PTPRD: variants seen among roughly 807,000 people sequenced by gnomAD.
The protein encoded by PTPRD is receptor-type tyrosine-protein phosphatase delta.
In PTPRD, 34 loss-of-function variants were observed where a neutral mutation model predicts 214.5. The ratio of observed to expected loss-of-function variants is 0.16; its 90% CI spans 0.12 to 0.21. PTPRD has a LOEUF of 0.21. PTPRD is among the 10% of genes least tolerant of loss of function. PTPRD has a pLI of 1.00. For missense variants in PTPRD, 2,545 were observed against 2,398.7 expected (o/e 1.06, Z -1.27); for synonymous variants, 1,128 against 845.7 (o/e 1.33, Z -5.79).
intron 9 of PTPRD, among the ~76,000 whole-genome samples, chr9:9,370,399 T>C (rs1227412474): frequency 6.6e-6 from 1 of 151,960 alleles, no homozygotes; most frequent in Non-Finnish European, 1.5e-5. Context: ...CACTCATGAT[T>C]TGGCTCTCTA....
At chr9:10,036,081 T>C (rs967479754) in intron 3 of PTPRD, among the ~76,000 whole-genome samples, 2 of 152,142 alleles carry the variant, frequency 1.3e-5, no homozygotes, top group South Asian at 4.1e-4. Context: ...TATCTGGCAG[T>C]ATACCCACTG....
intron 11 of PTPRD, among the ~76,000 whole-genome samples, chr9:8,949,514 T>TC (rs2099090398): frequency 8.3e-5 from 1 of 11,978 alleles, no homozygotes; most frequent in African/African-American, 9.1e-5. Flanking sequence ...ATAACGCCTT[T>TC]GAAAGGTCCC....
intron 12 of PTPRD, among the ~76,000 whole-genome samples, chr9:8,644,522 GAGA>G (rs555323654): frequency 7.4e-4 from 112 of 152,310 alleles, no homozygotes; most frequent in African/African-American, 2.6e-3. Flanking sequence ...TGCAGATGAA[GAGA>G]AGGAGAGAAG....
At chr9:9,103,929 G>T (rs1025351244) in intron 10 of PTPRD, among the ~76,000 whole-genome samples, 3 of 152,132 alleles carry the variant, frequency 2.0e-5, no homozygotes, top group African/African-American at 4.8e-5. Context: ...GTTGCAGCGA[G>T]CCAAGATGTT....
intron 4 of PTPRD, among the ~76,000 whole-genome samples, chr9:10,009,680 A>G (rs140720195): frequency 1.4e-4 from 18 of 131,560 alleles, no homozygotes; most frequent in African/African-American, 4.5e-4. Context: ...GATCAGAAAA[A>G]GATCTGGAAA....
At chr9:9,138,091 T>A (rs1173977727) in intron 10 of PTPRD, among the ~76,000 whole-genome samples, 5 of 152,110 alleles carry the variant, frequency 3.3e-5, no homozygotes, top group African/African-American at 4.8e-5. Context: ...ATTTCTCCTA[T>A]GATAGACCAG....
intron 2 of PTPRD, among the ~76,000 whole-genome samples, chr9:10,402,435 A>C (rs2098284277): frequency 6.6e-6 from 1 of 151,766 alleles, no homozygotes; most frequent in Non-Finnish European, 1.5e-5. Context: ...TGAGCATCAG[A>C]TTATAATTTT....
intron 12 of PTPRD, among the ~76,000 whole-genome samples, chr9:8,654,502 A>G (rs1376888645): frequency 1.3e-5 from 2 of 152,222 alleles, no homozygotes; most frequent in Non-Finnish European, 2.9e-5. Flanking sequence ...GGTTAAAGCC[A>G]AAATACAAGA....
intron 11 of PTPRD, among the ~76,000 whole-genome samples, chr9:8,997,856 G>C (rs572202044): frequency 6.6e-6 from 1 of 152,224 alleles, no homozygotes; most frequent in African/African-American, 2.4e-5. Context: ...CAAATGATAA[G>C]AAAGTGAAAC....
chr9:10,251,384 T>TA (rs33963087), intron 3 of PTPRD, among the ~76,000 whole-genome samples: 90,568 of 151,532 alleles, frequency 0.6, 28,410 homozygotes, highest in East Asian at 0.73. Flanking sequence ...AATAAGAGAC[T>TA]AAACTCTTTC....
chr9:8,995,380 T>C (rs1369735359), intron 11 of PTPRD, among the ~76,000 whole-genome samples: 1 of 152,046 alleles, frequency 6.6e-6, no homozygotes, highest in African/African-American at 2.4e-5. Flanking sequence ...ATCCTCCAAG[T>C]TGATATTAAG....
chr9:9,095,516 G>A (rs2099782185), intron 10 of PTPRD, among the ~76,000 whole-genome samples: 3 of 152,090 alleles, frequency 2.0e-5, no homozygotes, highest in South Asian at 4.1e-4. Flanking sequence ...CTGTTGACAG[G>A]CAGGGCCTTA....
At chr9:8,526,353 G>T (rs2074142867) in intron 17 of PTPRD, among the ~76,000 whole-genome samples, 1 of 151,350 alleles carries the variant, frequency 6.6e-6, no homozygotes, top group Admixed American at 6.6e-5. Context: ...ACTGGTCTGT[G>T]GTCTAAAGAC....
chr9:8,992,505 T>C (rs531504040), intron 11 of PTPRD, among the ~76,000 whole-genome samples: 2 of 152,194 alleles, frequency 1.3e-5, no homozygotes, highest in Admixed American at 1.3e-4. Context: ...CTGTAAGACC[T>C]TCGGCTATTC....
intron 3 of PTPRD, among the ~76,000 whole-genome samples, chr9:10,042,907 G>A (rs567818319): frequency 1.3e-5 from 2 of 152,012 alleles, no homozygotes; most frequent in South Asian, 4.1e-4. Flanking sequence ...TTGTGAAAAA[G>A]TCTTTGAATC....
intron 10 of PTPRD, among the ~76,000 whole-genome samples, chr9:9,024,876 T>C (rs549777500): frequency 6.6e-6 from 1 of 152,052 alleles, no homozygotes; most frequent in African/African-American, 2.4e-5. Context: ...AATTAACATA[T>C]GCCAAGATTC....
chr9:9,659,089 T>C (rs559767803), intron 7 of PTPRD, among the ~76,000 whole-genome samples: 3 of 152,236 alleles, frequency 2.0e-5, no homozygotes, highest in East Asian at 3.9e-4. Flanking sequence ...AATTACAGGA[T>C]ACATAAAAAC....
intron 3 of PTPRD, among the ~76,000 whole-genome samples, chr9:10,201,118 T>C (rs1027996736): frequency 2.0e-5 from 3 of 152,016 alleles, no homozygotes; most frequent in Admixed American, 2.0e-4. Context: ...ATGGCACATC[T>C]GACTCTTGCT....
intron 9 of PTPRD, among the ~76,000 whole-genome samples, chr9:9,234,417 G>C (rs2099965232): frequency 6.6e-6 from 1 of 152,126 alleles, no homozygotes; most frequent in South Asian, 2.1e-4. Flanking sequence ...GGACTGCTGT[G>C]AAGGTCTTTA....
Sources: allele counts gnomAD v4.1 joint callset (sites outside exome capture counted in the v4.1 genomes callset), GRCh38; gene constraint gnomAD v4.1.1; transcripts MANE v1.5; gene names NCBI Gene and HGNC (gene_info 2026-07-23, HGNC 2026-07-21).